The following APC variants were observed in gnomAD, a reference collection of about 807,000 sequenced individuals.
APC encodes adenomatous polyposis coli protein.
APC carries 72 observed loss-of-function variants against 247.0 expected under a neutral mutation model. The observed-to-expected ratio is 0.29, with a 90% CI of 0.24 to 0.35. The LOEUF (loss-of-function observed/expected upper bound fraction) is 0.35. APC is among the 10% of genes least tolerant of loss of function. The pLI is 1.00. For missense variants in APC, 3,400 were observed against 3,360.7 expected (o/e 1.01, Z -0.29); for synonymous variants, 1,254 against 1,162.5 (o/e 1.08, Z -1.60).
chr5:112,754,760 C>T (rs1388773543), intron 1 of APC, 113 bp from the exon 2 acceptor site: 1 of 992,658 alleles, frequency 1.0e-6, no homozygotes, highest in Non-Finnish European at 1.5e-6. Context: ...AGCATATTAA[C>T]ACAATTCTTC....
intron 1 of APC, among the ~76,000 whole-genome samples, chr5:112,750,488 A>ATTTT (rs1754226334): frequency 6.8e-6 from 1 of 146,296 alleles, no homozygotes. Context: ...CCTGTTTTTT[A>ATTTT]TGTTTGTTTG....
chr5:112,757,716 CA>C (rs1755146316), intron 2 of APC, among the ~76,000 whole-genome samples: 1 of 152,060 alleles, frequency 6.6e-6, no homozygotes, highest in Non-Finnish European at 1.5e-5. Context: ...AAACAAAAAA[CA>C]GCAAAAAGTA....
chr5:112,775,253 T>G (rs569420283), intron 4 of APC, among the ~76,000 whole-genome samples: 1 of 152,198 alleles, frequency 6.6e-6, no homozygotes, highest in Non-Finnish European at 1.5e-5. Context: ...TGGGCATCAT[T>G]GCTGCTTTTC....
chr5:112,819,358 A>G lies in APC; in HGVS notation c.1312+14A>G, dbSNP rs1457114953. ...ACAAAAATCCAAGTATGTTCTCTATAGTGTACATCGTAGTGCATGTTTCAA... is the reference window on the plus strand; with the variant it reads ...ACAAAAATCCAAGTATGTTCTCTATGGTGTACATCGTAGTGCATGTTTCAA... On this transcript the variant is annotated intron_variant, in intron 10 of 15. Transcript: ENST00000257430. 6.2e-7 allele frequency: 1 copy of G among 1,614,018 alleles called. No individual in the cohort carries two copies. The highest frequency in any genetic ancestry group is 8.5e-7 in the Non-Finnish European group (1 of 1,179,920).
chr5:112,791,092 A>C (rs930181088), intron 6 of APC, among the ~76,000 whole-genome samples: 4 of 152,288 alleles, frequency 2.6e-5, no homozygotes, highest in Admixed American at 2.6e-4. Flanking sequence ...CTTTATTCAT[A>C]AGTGAGTTGT....
At chr5:112,751,203 G>A (rs1246665860) in intron 1 of APC, among the ~76,000 whole-genome samples, 2 of 151,848 alleles carry the variant, frequency 1.3e-5, no homozygotes, top group East Asian at 1.9e-4. Flanking sequence ...TTATATATCT[G>A]TACTACAATT....
chr5:112,796,901 AAT>A (rs1760265057), intron 7 of APC, among the ~76,000 whole-genome samples: 1 of 152,062 alleles, frequency 6.6e-6, no homozygotes, highest in Admixed American at 6.6e-5. Context: ...TTTCTAAATC[AAT>A]AGTCACATTT....
At chr5:112,769,419 C>G (rs1377662542) in intron 4 of APC, among the ~76,000 whole-genome samples, 1 of 152,124 alleles carries the variant, frequency 6.6e-6, no homozygotes, top group Non-Finnish European at 1.5e-5. Flanking sequence ...GGAATGAGTT[C>G]TGATTTTTCA....
rs1064795692 is a variant in APC, at chr5:112,819,174, C to T, written c.1142C>T (p.Ala381Val). 6.2e-7 allele frequency: 1 copy of T among 1,613,980 alleles called. No individual in the cohort carries two copies. Among genetic ancestry groups the T allele is most frequent in the South Asian group, 1.1e-5 (1 of 91,082 alleles). The change falls in exon 10 of 16, where the codon GCC becomes GTC. Residue 381 changes from alanine to valine, a missense_variant. This residue lies in a region of APC where 199 missense variants were observed against 212.5 expected (regional missense o/e 0.94). Transcript: ENST00000257430. ...TCCCGGGGCAGTAAAGAGGCTCGGGCCAGGGCCAGTGCAGCACTCCACAAC... is the reference window on the plus strand; with the variant it reads ...TCCCGGGGCAGTAAAGAGGCTCGGGTCAGGGCCAGTGCAGCACTCCACAAC... ...GNSRGSKEAR[A>V]RASAALHNII...
At chr5:112,769,941 T>C (rs1214846109) in intron 4 of APC, among the ~76,000 whole-genome samples, 6 of 152,190 alleles carry the variant, frequency 3.9e-5, no homozygotes, top group African/African-American at 9.7e-5. Flanking sequence ...AAACACCATC[T>C]TGAAAAATAA....
chr5:112,763,330 A>C (rs902129105), intron 2 of APC, among the ~76,000 whole-genome samples: 3 of 149,440 alleles, frequency 2.0e-5, no homozygotes, highest in Admixed American at 6.7e-5. Context: ...ACATTTATGC[A>C]AACTTGCATT....
At chr5:112,817,044 A>G (rs1762584683) in intron 9 of APC, among the ~76,000 whole-genome samples, 1 of 151,182 alleles carries the variant, frequency 6.6e-6, no homozygotes, top group Non-Finnish European at 1.5e-5. Flanking sequence ...AATTTTTTGT[A>G]TTTTTAGTAG....
At chr5:112,781,528 G>T (rs1758347228) in intron 6 of APC, among the ~76,000 whole-genome samples, 2 of 152,170 alleles carry the variant, frequency 1.3e-5, no homozygotes, top group South Asian at 4.1e-4. Flanking sequence ...AAACTAGCGT[G>T]GGTTGTTGTT....
At chr5:112,817,884 G>T (rs912477717) in intron 9 of APC, among the ~76,000 whole-genome samples, 15 of 152,222 alleles carry the variant, frequency 9.9e-5, no homozygotes, top group Admixed American at 7.8e-4. Flanking sequence ...TTTGAACCTA[G>T]CTCCGATGAA....
In APC at chr5:112,767,138, T is replaced by G. The variant is rs746492056; in HGVS notation, c.221-51T>G. 33 of 1,386,508 alleles carry G rather than the reference T, an allele frequency of 2.4e-5. No individual in the cohort carries two copies. In the Admixed American group the frequency reaches 5.5e-4, roughly 23 times the overall value. The allele number at this position is 1,386,508 out of a possible 1,614,324, so 85.9% of individuals were successfully genotyped here. On this transcript the variant is annotated intron_variant, in intron 3 of 15. Coordinates refer to ENST00000257430, the MANE Select transcript of APC (RefSeq NM_000038.6). ...AAATAATATAACATTAAGAATATTT[T>G]AGACTGCTTAAAGCAATTGTTGTAT...
At position 112,819,341 on chromosome 5, in the gene APC, C is replaced by G. The variant is rs1554080176; in HGVS notation, c.1309C>G (p.Pro437Ala). ...ACCAGGCATGGACCAGGACAAAAAT[C>G]CAAGTATGTTCTCTATAGTGTACAT... Reference protein sequence around the residue: ...HEPGMDQDKNPMPAPVEHQIC... With the variant: ...HEPGMDQDKNAMPAPVEHQIC... Residue 437 changes from proline (P) to alanine (A), a missense_variant, in exon 10 of 16, where the codon CCA (proline) becomes GCA (alanine). Pro to Ala is a conservative substitution (Grantham distance 27). This residue lies in a region of APC where 199 missense variants were observed against 212.5 expected (regional missense o/e 0.94). Transcript: ENST00000257430. 6.2e-7 allele frequency: 1 copy of G among 1,613,988 alleles called. No homozygotes were observed. Among genetic ancestry groups the G allele is most frequent in the Non-Finnish European group, 8.5e-7 (1 of 1,179,938 alleles).
chr5:112,815,253 G>T (rs890879621), intron 8 of APC, among the ~76,000 whole-genome samples: 2 of 152,030 alleles, frequency 1.3e-5, no homozygotes, highest in African/African-American at 4.8e-5. Flanking sequence ...TCAGTCTTTG[G>T]TTAAGTCCAT....
chr5:112,814,365 TC>T (rs34324784), intron 8 of APC, among the ~76,000 whole-genome samples: 1,829 of 152,122 alleles, frequency 0.012, 13 homozygotes, highest in Non-Finnish European at 0.019. Flanking sequence ...TGAGCTCAGT[TC>T]CCCCAATGAA....
At chr5:112,808,969 A>G (rs1015778513) in intron 8 of APC, among the ~76,000 whole-genome samples, 1 of 152,152 alleles carries the variant, frequency 6.6e-6, no homozygotes, top group Non-Finnish European at 1.5e-5. Context: ...ATAATGCTAG[A>G]TGAGAAGGAG....
Sources: allele counts gnomAD v4.1 joint callset (sites outside exome capture counted in the v4.1 genomes callset), GRCh38; gene constraint gnomAD v4.1.1; regional missense constraint gnomAD v4.1.1; transcripts MANE v1.5; gene names NCBI Gene and HGNC (gene_info 2026-07-23, HGNC 2026-07-21).